VAV3: variants seen among roughly 807,000 people sequenced by gnomAD.
VAV3 encodes vav guanine nucleotide exchange factor 3, also known as guanine nucleotide exchange factor VAV3.
VAV3 carries 94 observed loss-of-function variants against 131.2 expected under a neutral mutation model. The observed-to-expected ratio is 0.72, with a 90% CI of 0.61 to 0.85. The LOEUF (loss-of-function observed/expected upper bound fraction) is 0.85, where lower values mean the gene tolerates loss of function less well. Among genes scored for constraint, VAV3 ranks in the 40% least tolerant of loss-of-function variants. VAV3 has a pLI of 0.00. For missense variants in VAV3, 939 were observed against 1,002.7 expected, an observed-to-expected ratio of 0.94 and a Z score of 0.86; for synonymous variants, 349 against 342.0, an observed-to-expected ratio of 1.02 and a Z score of -0.22.
intron 20 of VAV3, among the ~76,000 whole-genome samples, chr1:107,631,018 T>C (rs1189849698): frequency 2.0e-5 from 3 of 152,168 alleles, no homozygotes; most frequent in Admixed American, 2.0e-4. Flanking sequence ...TCTTAAGTGC[T>C]TTTTTCAATT....
chr1:107,610,915 T>C (rs996725914), intron 21 of VAV3, among the ~76,000 whole-genome samples: 1 of 152,142 alleles, frequency 6.6e-6, no homozygotes, highest in Admixed American at 6.6e-5. Context: ...GTTCCCTCAT[T>C]TGGAACAGTA....
chr1:107,837,639 A>C (rs1284904894), intron 2 of VAV3, among the ~76,000 whole-genome samples: 1 of 152,198 alleles, frequency 6.6e-6, no homozygotes, highest in Non-Finnish European at 1.5e-5. Flanking sequence ...TTGAAACTAC[A>C]CTACAAGGCT....
chr1:107,937,855 TGTAGTACAC>T (rs1439032489), intron 1 of VAV3, among the ~76,000 whole-genome samples: 1 of 152,228 alleles, frequency 6.6e-6, no homozygotes, highest in East Asian at 1.9e-4. Context: ...AATTTTAGAA[TGTAGTACAC>T]TAACATGTCT....
At chr1:107,761,101 T>C (rs1404328898) in intron 9 of VAV3, among the ~76,000 whole-genome samples, 2 of 152,174 alleles carry the variant, frequency 1.3e-5, no homozygotes, top group African/African-American at 2.4e-5. Flanking sequence ...ATGAAAATTA[T>C]TTTCTTGGCC....
chr1:107,914,530 G>A (rs146216329), intron 1 of VAV3, among the ~76,000 whole-genome samples: 2 of 152,304 alleles, frequency 1.3e-5, no homozygotes, highest in African/African-American at 4.8e-5. Flanking sequence ...GATTAAGTGA[G>A]CTAATGCCCA....
intron 4 of VAV3, among the ~76,000 whole-genome samples, chr1:107,773,798 A>T (rs148333110): frequency 9.5e-4 from 145 of 152,272 alleles, no homozygotes; most frequent in Admixed American, 1.7e-3. Context: ...GTACCACATC[A>T]AAGGATAGGA....
chr1:107,578,843 T>C, intron 25 of VAV3: 1 of 984,896 alleles, frequency 1.0e-6, no homozygotes, highest in Non-Finnish European at 1.2e-6. Flanking sequence ...TCAATGAAGG[T>C]AATTTACACC....
At chr1:107,955,925 C>A (rs1192362591) in intron 1 of VAV3, among the ~76,000 whole-genome samples, 1 of 152,206 alleles carries the variant, frequency 6.6e-6, no homozygotes, top group Non-Finnish European at 1.5e-5. Flanking sequence ...CTTAGTCGCT[C>A]TCCATCACAC....
intron 25 of VAV3, among the ~76,000 whole-genome samples, chr1:107,593,197 T>C (rs1651103956): frequency 6.6e-6 from 1 of 152,144 alleles, no homozygotes; most frequent in Non-Finnish European, 1.5e-5. Flanking sequence ...TTCTAATCAA[T>C]ATCTTTTTAG....
intron 25 of VAV3, among the ~76,000 whole-genome samples, chr1:107,584,085 C>A (rs1375497854): frequency 6.6e-6 from 1 of 151,878 alleles, no homozygotes; most frequent in Non-Finnish European, 1.5e-5. Context: ...CAGAACAGAG[C>A]CCTCAGAAAT....
At chr1:107,792,327 G>C (rs1666330561) in intron 2 of VAV3, among the ~76,000 whole-genome samples, 1 of 152,148 alleles carries the variant, frequency 6.6e-6, no homozygotes, top group Non-Finnish European at 1.5e-5. Flanking sequence ...TATAGATGCT[G>C]TCTATTCATA....
At chr1:107,765,976 T>C (rs1422942738) in intron 8 of VAV3, among the ~76,000 whole-genome samples, 1 of 152,216 alleles carries the variant, frequency 6.6e-6, no homozygotes, top group Non-Finnish European at 1.5e-5. Flanking sequence ...GAGATTTTTT[T>C]TTAACTTAGA....
At position 107,705,032 on chromosome 1, in the gene VAV3, G is replaced by A. The variant is rs1341649361; in HGVS notation, c.1532C>T (p.Ser511Phe). ...LSNIRPDYAD[S>F]NFHDFKMHTF... is the part of the protein sequence containing the mutation. The stretch of plus-strand genomic sequence containing the variant: ...ATGCATCTTGAAGTCGTGGAAATTG[G>A]AGTCTGCATAGTCTGGTCTTATGTT... Residue 511 changes from serine to phenylalanine, a missense_variant, in exon 16 of 27, where the codon TCC becomes TTC. Physicochemically the swap from Ser to Phe is radical, Grantham distance 155. Transcript: ENST00000370056. The A allele has an allele frequency of 1.9e-6, 3 of 1,613,560 alleles. No homozygotes were observed. The highest frequency in any genetic ancestry group is 2.2e-5 in the South Asian group (2 of 91,032).
intron 1 of VAV3, among the ~76,000 whole-genome samples, chr1:107,937,281 G>A (rs899728776): frequency 3.9e-5 from 6 of 152,110 alleles, no homozygotes; most frequent in South Asian, 2.1e-4. Flanking sequence ...TGAAACCCAC[G>A]CATGACTAAT....
chr1:107,669,279 T>A lies in VAV3; in HGVS notation c.1777+14209A>T, dbSNP rs1330454656. The A allele has an allele frequency of 2.3e-6, 3 of 1,281,556 alleles. No individual in the cohort carries two copies. The African/African-American group carries it at 4.6e-5, about 20-fold the overall frequency. The allele number at this position is 1,281,556 out of a possible 1,614,324, so 79.4% of individuals were successfully genotyped here. A position where few individuals can be genotyped will look rare whatever the true frequency, so the allele number is the denominator to read the frequency against. Reference sequence around the variant, plus strand: ...AGGATCTCTTCTTTATCCTTCGCTGTGTAAGTGGGGACAAAAAGAGCTACC... The same window carrying A: ...AGGATCTCTTCTTTATCCTTCGCTGAGTAAGTGGGGACAAAAAGAGCTACC... On this transcript the variant is annotated intron_variant, in intron 19 of 26. Coordinates refer to ENST00000370056, the MANE Select transcript of VAV3 (RefSeq NM_006113.5).
At chr1:107,671,399 A>G (rs984303112) in intron 19 of VAV3, among the ~76,000 whole-genome samples, 2 of 152,188 alleles carry the variant, frequency 1.3e-5, no homozygotes, top group Non-Finnish European at 2.9e-5. Flanking sequence ...CTATTTATTA[A>G]ACACCTAATA....
chr1:107,878,211 T>C (rs1206596525), intron 1 of VAV3, among the ~76,000 whole-genome samples: 1 of 152,178 alleles, frequency 6.6e-6, no homozygotes, highest in East Asian at 1.9e-4. Context: ...ACTTGACTCC[T>C]AAATACTCTG....
chr1:107,839,882 G>T (rs1668620151), intron 2 of VAV3, among the ~76,000 whole-genome samples: 1 of 152,046 alleles, frequency 6.6e-6, no homozygotes, highest in African/African-American at 2.4e-5. Context: ...GATAACAAGG[G>T]AATACAATGA....
chr1:107,779,719 T>C (rs1045170513), intron 2 of VAV3, among the ~76,000 whole-genome samples: 2 of 152,118 alleles, frequency 1.3e-5, no homozygotes, highest in African/African-American at 4.8e-5. Flanking sequence ...TTTAAGTAGA[T>C]TACTAACCCA....
Sources: gnomAD v4.1 joint callset for allele counts (sites outside exome capture counted in the v4.1 genomes callset) on GRCh38, gnomAD v4.1.1 for gene constraint, MANE v1.5 for transcripts, NCBI Gene and HGNC (gene_info 2026-07-23, HGNC 2026-07-21) for gene names.